Variants in MAGI2 observed in about 807,000 individuals in gnomAD.
MAGI2 encodes the protein membrane-associated guanylate kinase, WW and PDZ domain-containing protein 2.
Under a neutral mutation model 133.3 loss-of-function variants are expected in MAGI2, and 35 were observed. That is an observed-to-expected ratio of 0.26 (90% CI 0.20 to 0.35). The LOEUF is 0.35. MAGI2 is among the 10% of genes least tolerant of loss of function. The probability of loss-of-function intolerance (pLI) is 1.00; values close to 1 mark genes in which losing one functional copy is unlikely to be tolerated. For synonymous variants in MAGI2, 729 were observed against 710.6 expected, an observed-to-expected ratio of 1.03 and a Z score of -0.41; for missense variants, 1,636 against 1,863.4, an observed-to-expected ratio of 0.88 and a Z score of 2.25.
At chr7:78,666,464 C>A (rs1585021723) in intron 2 of MAGI2, among the ~76,000 whole-genome samples, 1 of 152,062 alleles carries the variant, frequency 6.6e-6, no homozygotes, top group South Asian at 2.1e-4. Flanking sequence ...TGAGACCTGA[C>A]AAAGTACCCC....
chr7:78,713,311 C>G (rs1819383562), intron 2 of MAGI2, among the ~76,000 whole-genome samples: 1 of 152,054 alleles, frequency 6.6e-6, no homozygotes, highest in Non-Finnish European at 1.5e-5. Flanking sequence ...TACTTATGTA[C>G]TAGGCCCTAT....
Position 78,573,289 on chromosome 7 carries a change from TAA to T in MAGI2, c.539-51646_539-51645del, listed in dbSNP as rs1491166258. 4.3e-4 allele frequency among the ~76,000 whole-genome samples: 25 copies of T among 57,512 alleles called. 1 individual carries two copies. In the East Asian group the frequency reaches 8.3e-3, roughly 19 times the overall value. 37.7% of individuals were successfully genotyped at this position (57,512 alleles called of 152,430 possible). ...ATATATATAAATATATATATTTATA[TAA>T]ATATATATATTTATATATATAAATA... On this transcript the variant is annotated intron_variant, in intron 3 of 21. Coordinates refer to ENST00000354212, the MANE Select transcript of MAGI2 (RefSeq NM_012301.4).
At chr7:78,644,035 A>C (rs1300229070) in intron 2 of MAGI2, among the ~76,000 whole-genome samples, 1 of 152,184 alleles carries the variant, frequency 6.6e-6, no homozygotes, top group Non-Finnish European at 1.5e-5. Flanking sequence ...ATTTATAATA[A>C]TATCAGAAAA....
intron 15 of MAGI2, among the ~76,000 whole-genome samples, chr7:78,166,365 A>G (rs1468683763): frequency 6.6e-6 from 1 of 152,228 alleles, no homozygotes; most frequent in Non-Finnish European, 1.5e-5. Flanking sequence ...TTTATTAAAA[A>G]TTACTCTGCG....
At chr7:79,163,928 C>CT (rs796672786) in intron 1 of MAGI2, among the ~76,000 whole-genome samples, 137 of 151,866 alleles carry the variant, frequency 9.0e-4, no homozygotes, top group African/African-American at 3.1e-3. Context: ...ATTTTTTCTT[C>CT]TTTTTTTTAG....
At chr7:78,880,266 T>C (rs1161355902) in intron 2 of MAGI2, among the ~76,000 whole-genome samples, 2 of 152,080 alleles carry the variant, frequency 1.3e-5, no homozygotes, top group Non-Finnish European at 2.9e-5. Context: ...ACAAGGCACA[T>C]AGTCACCAGA....
chr7:79,027,824 A>T (rs531917430), intron 1 of MAGI2, among the ~76,000 whole-genome samples: 42 of 152,226 alleles, frequency 2.8e-4, no homozygotes, highest in Middle Eastern at 3.4e-3. Flanking sequence ...GAATAATTTA[A>T]AAAAAATCAT....
intron 3 of MAGI2, among the ~76,000 whole-genome samples, chr7:78,561,271 A>C (rs1345471402): frequency 6.6e-6 from 1 of 152,188 alleles, no homozygotes; most frequent in Non-Finnish European, 1.5e-5. Flanking sequence ...TTGTTCTAGC[A>C]AGTACAAGAT....
At chr7:78,889,960 C>T (rs1305768110) in intron 2 of MAGI2, among the ~76,000 whole-genome samples, 1 of 152,186 alleles carries the variant, frequency 6.6e-6, no homozygotes, top group African/African-American at 2.4e-5. Flanking sequence ...CAAGACGCAT[C>T]AGTGTGCTGT....
At chr7:79,349,801 A>G (rs1204629807) in intron 1 of MAGI2, among the ~76,000 whole-genome samples, 1 of 152,032 alleles carries the variant, frequency 6.6e-6, no homozygotes, top group Non-Finnish European at 1.5e-5. Flanking sequence ...TTTAGAATTA[A>G]CTTTAGAGCC....
chr7:78,331,979 C>A (rs1584906082), intron 9 of MAGI2, among the ~76,000 whole-genome samples: 1 of 152,302 alleles, frequency 6.6e-6, no homozygotes, highest in Admixed American at 6.5e-5. Flanking sequence ...ATCTCAATTA[C>A]TGTGTGACTA....
At chr7:79,415,295 C>T (rs566124232) in intron 1 of MAGI2, 4 of 152,092 alleles carry the variant, frequency 2.6e-5, no homozygotes, top group Non-Finnish European at 5.9e-5. Flanking sequence ...AATTGTATGT[C>T]TCTTAGAGTT....
At chr7:78,390,252 T>C (rs1416354124) in intron 6 of MAGI2, among the ~76,000 whole-genome samples, 1 of 152,164 alleles carries the variant, frequency 6.6e-6, no homozygotes, top group African/African-American at 2.4e-5. Context: ...GGAAAATACA[T>C]ACAAATCAAT....
At chr7:79,158,172 A>T (rs1186941181) in intron 1 of MAGI2, among the ~76,000 whole-genome samples, 1 of 152,024 alleles carries the variant, frequency 6.6e-6, no homozygotes, top group East Asian at 1.9e-4. Flanking sequence ...TAGGATGGTG[A>T]AACAGGTTAT....
At chr7:78,117,190 G>T (rs539061951) in intron 20 of MAGI2, among the ~76,000 whole-genome samples, 3 of 151,856 alleles carry the variant, frequency 2.0e-5, no homozygotes, top group African/African-American at 7.3e-5. Context: ...ATTTTATAAG[G>T]TTAGGGTAAC....
chr7:79,086,717 A>T (rs2129542230), intron 1 of MAGI2, among the ~76,000 whole-genome samples: 1 of 151,962 alleles, frequency 6.6e-6, no homozygotes, highest in East Asian at 1.9e-4. Flanking sequence ...AAAATGAAAA[A>T]ATCTTCCCAA....
At chr7:78,410,388 T>C (rs1294475769) in intron 6 of MAGI2, among the ~76,000 whole-genome samples, 2 of 152,046 alleles carry the variant, frequency 1.3e-5, no homozygotes, top group Non-Finnish European at 2.9e-5. Context: ...ACAGCTTACA[T>C]TTGTCAACAT....
intron 5 of MAGI2, among the ~76,000 whole-genome samples, chr7:78,491,888 T>C (rs1294235484): frequency 6.6e-6 from 1 of 150,792 alleles, no homozygotes; most frequent in African/African-American, 2.4e-5. Flanking sequence ...TGTGTGTGTG[T>C]GTGTGTGTGT....
At chr7:79,329,202 C>T (rs1839900583) in intron 1 of MAGI2, among the ~76,000 whole-genome samples, 1 of 152,160 alleles carries the variant, frequency 6.6e-6, no homozygotes, top group Admixed American at 6.6e-5. Flanking sequence ...GTTTGAGAAT[C>T]ACCATTTCAT....
Sources: allele counts gnomAD v4.1 joint callset (sites outside exome capture counted in the v4.1 genomes callset), GRCh38; gene constraint gnomAD v4.1.1; transcripts MANE v1.5; gene names NCBI Gene and HGNC (gene_info 2026-07-23, HGNC 2026-07-21).